VWA3B: variants seen among roughly 807,000 people sequenced by gnomAD.
VWA3B encodes von Willebrand factor A domain containing 3B, also known as von Willebrand factor A domain-containing protein 3B.
VWA3B carries 138 observed loss-of-function variants against 158.3 expected under a neutral mutation model. The observed-to-expected ratio is 0.87, with a 90% CI of 0.76 to 1.00. The LOEUF (loss-of-function observed/expected upper bound fraction) is 1.00. Ranked by LOEUF, VWA3B falls within the 50% of genes least tolerant of loss-of-function variation. VWA3B has a pLI of 0.00. For synonymous variants in VWA3B, 596 were observed against 587.3 expected, an observed-to-expected ratio of 1.01 and a Z score of -0.21; for missense variants, 1,555 against 1,565.1, an observed-to-expected ratio of 0.99 and a Z score of 0.11.
the VWA3B span, among the ~76,000 whole-genome samples, chr2:98,318,811 T>C: frequency 6.6e-6 from 1 of 152,246 alleles, no homozygotes; most frequent in Non-Finnish European, 1.5e-5. Flanking sequence ...ATTATTTATC[T>C]ATCATCTATC....
At chr2:98,264,778 T>C (rs1046390061) in intron 21 of VWA3B, among the ~76,000 whole-genome samples, 2 of 152,084 alleles carry the variant, frequency 1.3e-5, no homozygotes, top group African/African-American at 4.8e-5. Flanking sequence ...TTCTGTGTAG[T>C]TGTTCTGTCC....
intron 14 of VWA3B, among the ~76,000 whole-genome samples, chr2:98,218,864 G>T (rs1014144881): frequency 2.0e-5 from 3 of 152,160 alleles, no homozygotes; most frequent in African/African-American, 7.2e-5. Flanking sequence ...ACAGAGGGCT[G>T]GGAAGAGTGC....
intron 26 of VWA3B, 121 bp from the exon 27 acceptor site, chr2:98,311,698 C>T: frequency 8.2e-7 from 1 of 1,221,296 alleles, no homozygotes; most frequent in East Asian, 2.6e-5. Context: ...CCAGAGACTC[C>T]TTTCCATGGG....
intron 7 of VWA3B, among the ~76,000 whole-genome samples, chr2:98,146,152 T>C (rs1415325362): frequency 1.3e-5 from 2 of 152,194 alleles, no homozygotes; most frequent in Non-Finnish European, 2.9e-5. Context: ...CATATAGATA[T>C]TTAATTCACA....
intron 6 of VWA3B, among the ~76,000 whole-genome samples, chr2:98,129,120 C>T (rs1344054855): frequency 2.0e-5 from 3 of 152,082 alleles, no homozygotes; most frequent in Non-Finnish European, 4.4e-5. Context: ...AATTCGGTTT[C>T]TGGTGAGGTC....
At chr2:98,297,850 C>T (rs781499663) in intron 23 of VWA3B, 57 bp from the exon 24 acceptor site, 15 of 1,436,004 alleles carry the variant, frequency 1.0e-5, no homozygotes, top group Non-Finnish European at 1.4e-5. Flanking sequence ...TGGCACAAGC[C>T]TAAGGGAAGG....
intron 5 of VWA3B, among the ~76,000 whole-genome samples, chr2:98,127,206 T>C (rs1260226562): frequency 6.6e-6 from 1 of 152,176 alleles, no homozygotes; most frequent in Non-Finnish European, 1.5e-5. Flanking sequence ...GTTGAGAGGA[T>C]ATGGATTCCT....
chr2:98,200,408 G>C (rs1483113639), intron 12 of VWA3B, among the ~76,000 whole-genome samples: 3 of 152,066 alleles, frequency 2.0e-5, no homozygotes, highest in African/African-American at 7.2e-5. Context: ...CAGGCGTGGT[G>C]GCAGGTGCCT....
chr2:98,191,618 A>G (rs1410432034), intron 10 of VWA3B, among the ~76,000 whole-genome samples: 1 of 152,114 alleles, frequency 6.6e-6, no homozygotes. Context: ...TGCCCCATAT[A>G]TTAAGGAGAT....
chr2:98,109,138 A>G (rs768575662), intron 2 of VWA3B, among the ~76,000 whole-genome samples: 1 of 151,842 alleles, frequency 6.6e-6, no homozygotes, highest in African/African-American at 2.4e-5. Context: ...GATTATAGGC[A>G]TACACCACCA....
chr2:98,330,067 TACA>T, the VWA3B span, among the ~76,000 whole-genome samples: 1 of 152,200 alleles, frequency 6.6e-6, no homozygotes, highest in Non-Finnish European at 1.5e-5. Flanking sequence ...TCACATACCC[TACA>T]ACATCTGGGA....
chr2:98,311,746 G>C (rs1690907270), intron 26 of VWA3B, 73 bp from the exon 27 acceptor site: 3 of 1,451,404 alleles, frequency 2.1e-6, no homozygotes, highest in Non-Finnish European at 1.8e-6. Flanking sequence ...AGCAGCCGTG[G>C]GGATGGCTTG....
At chr2:98,183,707 A>G (rs1680778731) in intron 9 of VWA3B, among the ~76,000 whole-genome samples, 1 of 152,226 alleles carries the variant, frequency 6.6e-6, no homozygotes, top group East Asian at 1.9e-4. Context: ...TTCATGTGAT[A>G]TGGCGGAAGG....
At chr2:98,121,544 C>A in intron 5 of VWA3B, 86 bp downstream of exon 5, 1 of 1,518,448 alleles carries the variant, frequency 6.6e-7, no homozygotes, top group South Asian at 1.2e-5. Flanking sequence ...CACGGCCCTT[C>A]AACTGATCTT....
chr2:98,277,694 G>C (rs908116095), intron 22 of VWA3B, among the ~76,000 whole-genome samples: 1 of 152,186 alleles, frequency 6.6e-6, no homozygotes, highest in Non-Finnish European at 1.5e-5. Flanking sequence ...GGGAGAAAGA[G>C]AGCGTTAGGA....
At chr2:98,128,515 T>C in intron 6 of VWA3B, 107 bp downstream of exon 6, 1 of 1,118,358 alleles carries the variant, frequency 8.9e-7, no homozygotes, top group Non-Finnish European at 1.3e-6. Context: ...TGTTGCTGTG[T>C]TCTCCTCTTT....
intron 10 of VWA3B, among the ~76,000 whole-genome samples, chr2:98,188,541 C>T (rs1359534257): frequency 5.9e-5 from 9 of 152,190 alleles, no homozygotes; most frequent in Non-Finnish European, 1.3e-4. Context: ...TACTCACTAC[C>T]TCTATCTGCT....
At chr2:98,272,070 G>A (rs891628796) in intron 22 of VWA3B, among the ~76,000 whole-genome samples, 2 of 152,192 alleles carry the variant, frequency 1.3e-5, no homozygotes, top group African/African-American at 2.4e-5. Context: ...GGCAGACACC[G>A]GTTGGTTCTC....
chr2:98,281,143 A>AGG (rs1688855182), intron 22 of VWA3B, among the ~76,000 whole-genome samples: 1 of 151,994 alleles, frequency 6.6e-6, no homozygotes, highest in Non-Finnish European at 1.5e-5. Context: ...CCATTTTTCA[A>AGG]AGGGATGCAG....
Sources: gnomAD v4.1 joint callset for allele counts (sites outside exome capture counted in the v4.1 genomes callset) on GRCh38, gnomAD v4.1.1 for gene constraint, MANE v1.5 for transcripts, NCBI Gene and HGNC (gene_info 2026-07-23, HGNC 2026-07-21) for gene names.